The following AOPEP variants were observed in gnomAD, a reference collection of about 807,000 sequenced individuals.
AOPEP encodes the protein aminopeptidase O.
In AOPEP, 77 loss-of-function variants were observed where a neutral mutation model predicts 98.1. The ratio of observed to expected loss-of-function variants is 0.78; its 90% CI spans 0.65 to 0.95. AOPEP has a LOEUF of 0.95. Among genes scored for constraint, AOPEP ranks in the 40% least tolerant of loss-of-function variants. The probability of loss-of-function intolerance (pLI) is 0.00; values close to 1 mark genes in which losing one functional copy is unlikely to be tolerated. For missense variants in AOPEP, 1,024 were observed against 1,024.7 expected (o/e 1.00, Z 0.01); for synonymous variants, 346 against 365.3 (o/e 0.95, Z 0.60).
At chr9:94,815,507 G>A (rs1230755232) in intron 5 of AOPEP, among the ~76,000 whole-genome samples, 7 of 152,220 alleles carry the variant, frequency 4.6e-5, no homozygotes, top group East Asian at 1.9e-4. Context: ...GGGAGCCGCC[G>A]AGAACCTCGG....
chr9:94,909,486 T>C (rs1042397294), intron 5 of AOPEP, among the ~76,000 whole-genome samples: 2 of 152,210 alleles, frequency 1.3e-5, no homozygotes, highest in African/African-American at 4.8e-5. Flanking sequence ...TGTTTGTTGT[T>C]ATTTTCCTCT....
chr9:94,783,606 G>T (rs1050277839), intron 3 of AOPEP, among the ~76,000 whole-genome samples: 1 of 152,186 alleles, frequency 6.6e-6, no homozygotes, highest in Non-Finnish European at 1.5e-5. Context: ...CAGTGGAGAA[G>T]GAGGCCAGGA....
the AOPEP span, among the ~76,000 whole-genome samples, chr9:95,149,399 T>C: frequency 2.0e-5 from 3 of 152,038 alleles, no homozygotes; most frequent in Non-Finnish European, 4.4e-5. Context: ...TGTGTTTACC[T>C]ATGTAACAAA....
chr9:94,855,678 C>T (rs905122734), intron 5 of AOPEP, among the ~76,000 whole-genome samples: 1 of 151,894 alleles, frequency 6.6e-6, no homozygotes, highest in African/African-American at 2.4e-5. Flanking sequence ...GCAACAAGAA[C>T]GAAACTCTGT....
At chr9:94,951,854 G>A (rs1156599349) in intron 7 of AOPEP, among the ~76,000 whole-genome samples, 3 of 152,222 alleles carry the variant, frequency 2.0e-5, no homozygotes, top group Non-Finnish European at 4.4e-5. Context: ...TTGTGGGGAA[G>A]AGGTGCGGTA....
At chr9:94,847,487 CTACTTCTT>C (rs2043010282) in intron 5 of AOPEP, among the ~76,000 whole-genome samples, 1 of 152,198 alleles carries the variant, frequency 6.6e-6, no homozygotes, top group South Asian at 2.1e-4. Context: ...CAGGTGAACT[CTACTTCTT>C]TATTCTGTCA....
chr9:94,976,226 C>T (rs540886195), intron 10 of AOPEP, among the ~76,000 whole-genome samples: 1 of 152,298 alleles, frequency 6.6e-6, no homozygotes, highest in Admixed American at 6.5e-5. Flanking sequence ...AGCCATCCAG[C>T]GAATGTTTGC....
the AOPEP span, chr9:95,107,334 T>G: frequency 1.3e-6 from 2 of 1,536,442 alleles, no homozygotes; most frequent in Middle Eastern, 2.2e-4. Context: ...TTCTAGGATT[T>G]ATTTATTTGC....
chr9:94,984,170 A>AC (rs60490331), intron 11 of AOPEP, among the ~76,000 whole-genome samples: 19,816 of 151,356 alleles, frequency 0.13, 3,349 homozygotes, highest in African/African-American at 0.39. Flanking sequence ...AGTAGCTGGG[A>AC]TACAGGCGCC....
chr9:95,106,068 C>T, the AOPEP span, among the ~76,000 whole-genome samples: 1 of 152,200 alleles, frequency 6.6e-6, no homozygotes, highest in South Asian at 2.1e-4. Flanking sequence ...AGCTGCACGA[C>T]GTTAATGTCC....
intron 8 of AOPEP, among the ~76,000 whole-genome samples, 194 bp downstream of exon 8, chr9:94,955,473 T>A (rs1445128897): frequency 6.6e-6 from 1 of 152,184 alleles, no homozygotes; most frequent in Non-Finnish European, 1.5e-5. Flanking sequence ...AAAGACTGAA[T>A]GAACAAAGGC....
At position 94,781,111 on chromosome 9, in the gene AOPEP, G is replaced by A. The variant is rs564420005; in HGVS notation, c.964+7943G>A. Among the ~76,000 whole-genome samples, 26 of 151,504 alleles carry A rather than the reference G, an allele frequency of 1.7e-4. No individual in the cohort carries two copies. In the South Asian group the frequency reaches 4.4e-3, roughly 25 times the overall value. On this transcript the variant is annotated intron_variant, in intron 3 of 16. Transcript: ENST00000375315. ...TTATTCTTTTTTTTTTTTTAAAGAA[G>A]GCTAAGACAAGGCCATAGATTTAGA...
intron 5 of AOPEP, among the ~76,000 whole-genome samples, chr9:94,867,485 GA>G (rs2045841954): frequency 6.6e-6 from 1 of 152,212 alleles, no homozygotes; most frequent in African/African-American, 2.4e-5. Flanking sequence ...CAGAGGGAAA[GA>G]AAATACTGTA....
At chr9:95,040,920 C>CTT in intron 13 of AOPEP, among the ~76,000 whole-genome samples, 1 of 151,960 alleles carries the variant, frequency 6.6e-6, no homozygotes. Context: ...TAAACAGTCT[C>CTT]CCTTCCTCAA....
intron 5 of AOPEP, among the ~76,000 whole-genome samples, chr9:94,867,644 C>T (rs2045863279): frequency 6.6e-6 from 1 of 152,216 alleles, no homozygotes; most frequent in Admixed American, 6.5e-5. Flanking sequence ...CTGGAAGACA[C>T]CTAGTTTTCT....
At position 94,943,933 on chromosome 9, in the gene AOPEP, A is replaced by AC. The variant is rs1564424040; in HGVS notation, c.1662-11244_1662-11243insC. Among the ~76,000 whole-genome samples, 13 of 150,596 alleles carry AC rather than the reference A, an allele frequency of 8.6e-5. No homozygotes were observed. In the East Asian group the frequency reaches 1.2e-3, roughly 13 times the overall value. ...AGACTCCATCTCAAAAAAAAAAAAA[A>AC]AAAAAAAAAAAAAACAGGTCAATCT... On this transcript the variant is annotated intron_variant, in intron 7 of 16. Coordinates refer to ENST00000375315, the MANE Select transcript of AOPEP (RefSeq NM_001193329.3).
intron 13 of AOPEP, among the ~76,000 whole-genome samples, chr9:95,052,251 G>A (rs1481854224): frequency 1.3e-5 from 2 of 152,176 alleles, no homozygotes; most frequent in Admixed American, 6.5e-5. Flanking sequence ...AAGGATGGGG[G>A]TAGATAGCAC....
chr9:95,028,311 C>T (rs770346930), intron 13 of AOPEP, among the ~76,000 whole-genome samples: 2 of 152,228 alleles, frequency 1.3e-5, no homozygotes, highest in Non-Finnish European at 2.9e-5. Context: ...GAATCACCCT[C>T]GTGGGAGTGA....
chr9:94,944,454 CATT>C (rs777357285), intron 7 of AOPEP, among the ~76,000 whole-genome samples: 10 of 152,214 alleles, frequency 6.6e-5, no homozygotes, highest in Non-Finnish European at 1.3e-4. Context: ...ACCTTGAAAA[CATT>C]ATGCTCAGCG....
Sources: allele counts gnomAD v4.1 joint callset (sites outside exome capture counted in the v4.1 genomes callset), GRCh38; gene constraint gnomAD v4.1.1; transcripts MANE v1.5; gene names NCBI Gene and HGNC (gene_info 2026-07-23, HGNC 2026-07-21).